The following CHST9 variants were observed in gnomAD, a reference collection of about 807,000 sequenced individuals.
The protein encoded by CHST9 is GalNAc-4-sulfotransferase 2.
Under a neutral mutation model 44.4 loss-of-function variants are expected in CHST9, and 41 were observed. The ratio of observed to expected loss-of-function variants is 0.92; its 90% CI spans 0.72 to 1.20. The LOEUF (loss-of-function observed/expected upper bound fraction) is 1.20. CHST9 is among the 50% of genes most tolerant of loss of function. The pLI is 0.00. For missense variants in CHST9, 504 were observed against 516.5 expected (o/e 0.98, Z 0.23); for synonymous variants, 171 against 178.4 (o/e 0.96, Z 0.33).
chr18:27,167,721 G>A (rs1481866230), intron 1 of CHST9, among the ~76,000 whole-genome samples: 3 of 152,160 alleles, frequency 2.0e-5, no homozygotes, highest in Non-Finnish European at 4.4e-5. Flanking sequence ...ATTGGGTAAA[G>A]GGCACAGGAG....
intron 2 of CHST9, among the ~76,000 whole-genome samples, chr18:27,123,505 T>C (rs1216136563): frequency 6.6e-6 from 1 of 152,020 alleles, no homozygotes; most frequent in Non-Finnish European, 1.5e-5. Flanking sequence ...TATAATACCA[T>C]AAAGATAGAC....
At chr18:27,155,838 G>A (rs915327423) in intron 1 of CHST9, among the ~76,000 whole-genome samples, 1 of 152,050 alleles carries the variant, frequency 6.6e-6, no homozygotes, top group Admixed American at 6.6e-5. Flanking sequence ...GACAAATAGT[G>A]TTATGAGAAT....
chr18:27,034,357 G>A (rs1395686340), intron 3 of CHST9, among the ~76,000 whole-genome samples: 1 of 151,828 alleles, frequency 6.6e-6, no homozygotes, highest in Non-Finnish European at 1.5e-5. Flanking sequence ...AAACCACCTT[G>A]GTCTCGGCCA....
At chr18:26,971,407 G>A (rs1366694397) in intron 4 of CHST9, among the ~76,000 whole-genome samples, 1 of 152,220 alleles carries the variant, frequency 6.6e-6, no homozygotes, top group Non-Finnish European at 1.5e-5. Flanking sequence ...TGGCATTGTT[G>A]TCAGTACTCA....
At chr18:27,048,620 A>G in intron 2 of CHST9, 117 bp from the exon 3 acceptor site, 1 of 759,192 alleles carries the variant, frequency 1.3e-6, no homozygotes, top group Non-Finnish European at 2.2e-6. Flanking sequence ...AGCCATGTCC[A>G]GTGTGCTCCT....
chr18:27,092,396 T>G (rs959336839), intron 2 of CHST9, among the ~76,000 whole-genome samples: 1 of 151,922 alleles, frequency 6.6e-6, no homozygotes, highest in Non-Finnish European at 1.5e-5. Context: ...AAAAACCAGC[T>G]CCTGGATTCA....
chr18:26,959,307 G>A (rs781057560), intron 4 of CHST9, among the ~76,000 whole-genome samples: 20 of 152,128 alleles, frequency 1.3e-4, no homozygotes, highest in Non-Finnish European at 2.1e-4. Context: ...CGACACTGAA[G>A]ACCACTAGAG....
chr18:27,059,413 T>C (rs181241618), intron 2 of CHST9, among the ~76,000 whole-genome samples: 3 of 152,338 alleles, frequency 2.0e-5, no homozygotes, highest in East Asian at 1.9e-4. Context: ...CCTGGGTAGA[T>C]TTACTTCTAA....
intron 2 of CHST9, among the ~76,000 whole-genome samples, chr18:27,141,264 C>T (rs2058562573): frequency 6.6e-6 from 1 of 152,046 alleles, no homozygotes; most frequent in Non-Finnish European, 1.5e-5. Context: ...ACTTGGGAGG[C>T]TGAGGCAGGA....
chr18:27,091,271 CT>C (rs1378571089), intron 2 of CHST9, among the ~76,000 whole-genome samples: 4 of 152,076 alleles, frequency 2.6e-5, no homozygotes, highest in Non-Finnish European at 5.9e-5. Flanking sequence ...TATAGGAATG[CT>C]TGTAATTTTT....
intron 2 of CHST9, among the ~76,000 whole-genome samples, chr18:27,078,350 A>T (rs1403776799): frequency 1.3e-5 from 2 of 152,164 alleles, no homozygotes; most frequent in Non-Finnish European, 2.9e-5. Flanking sequence ...AATGCTTCAC[A>T]TTGAAATGTA....
chr18:27,121,909 G>C (rs2058377574), intron 2 of CHST9, among the ~76,000 whole-genome samples: 1 of 152,148 alleles, frequency 6.6e-6, no homozygotes, highest in Admixed American at 6.5e-5. Flanking sequence ...ATGAATTTCT[G>C]CCACTTAAAA....
chr18:27,179,896 C>T (rs768315197), intron 1 of CHST9, among the ~76,000 whole-genome samples: 5 of 152,028 alleles, frequency 3.3e-5, no homozygotes, highest in Non-Finnish European at 5.9e-5. Flanking sequence ...ATTGACAATA[C>T]GGTGAGTAAC....
Position 27,012,444 on chromosome 18 carries a change from TA to T in CHST9, c.202+11671del, listed in dbSNP as rs535421280. 3.9e-3 allele frequency among the ~76,000 whole-genome samples: 588 copies of T among 152,296 alleles called. 4 individuals carry two copies. Among genetic ancestry groups the T allele is most frequent in the Middle Eastern group, 0.017 (5 of 294 alleles). On this transcript the variant is annotated intron_variant, in intron 4 of 5. Transcript: ENST00000618847. ...ATTCATTAAGTGGAAGTGGATCTCA[TA>T]AAGATCTTCATCCTTGTCTTCACAT...
chr18:27,182,713 CCAAA>C (rs2058922348), intron 1 of CHST9, among the ~76,000 whole-genome samples: 2 of 152,160 alleles, frequency 1.3e-5, no homozygotes, highest in Non-Finnish European at 1.5e-5. Context: ...ATGACATCAA[CCAAA>C]CAAAGAGTGT....
chr18:27,030,572 C>A (rs1214007318), intron 3 of CHST9, among the ~76,000 whole-genome samples: 1 of 152,220 alleles, frequency 6.6e-6, no homozygotes. Context: ...CTGCATAAAG[C>A]CTTGCCTGTG....
intron 2 of CHST9, among the ~76,000 whole-genome samples, chr18:27,120,604 G>A (rs1448959229): frequency 6.6e-6 from 1 of 152,126 alleles, no homozygotes; most frequent in East Asian, 1.9e-4. Flanking sequence ...CTTCTCGTGT[G>A]ATTATGATCT....
rs561774255 is a variant in CHST9, at chr18:27,067,664, C to T, written c.122-19161G>A. 3.1e-3 allele frequency among the ~76,000 whole-genome samples: 477 copies of T among 152,036 alleles called. 2 individuals carry two copies. Among genetic ancestry groups the T allele is most frequent in the Non-Finnish European group, 5.6e-3 (383 of 67,960 alleles). On this transcript the variant is annotated intron_variant, in intron 2 of 5. Transcript: ENST00000618847. ...TTCTATGGGCCCATATGTACTCTTGCGTAAAGCAGCTTTTTAAAAAGGAGT... is the reference window on the plus strand; with the variant it reads ...TTCTATGGGCCCATATGTACTCTTGTGTAAAGCAGCTTTTTAAAAAGGAGT...
At chr18:27,166,838 G>A (rs965516566) in intron 1 of CHST9, among the ~76,000 whole-genome samples, 6 of 152,094 alleles carry the variant, frequency 3.9e-5, no homozygotes, top group Non-Finnish European at 8.8e-5. Context: ...TTTAATATAA[G>A]TTTTACGTGG....
Sources: allele counts gnomAD v4.1 joint callset (sites outside exome capture counted in the v4.1 genomes callset), GRCh38; gene constraint gnomAD v4.1.1; transcripts MANE v1.5; gene names NCBI Gene and HGNC (gene_info 2026-07-23, HGNC 2026-07-21).